MAF: variants seen among roughly 807,000 people sequenced by gnomAD.
MAF encodes the protein transcription factor Maf.
MAF carries 10 observed loss-of-function variants against 22.0 expected under a neutral mutation model. That is an observed-to-expected ratio of 0.45 (90% confidence interval 0.28 to 0.77). The LOEUF (loss-of-function observed/expected upper bound fraction) is 0.77. MAF is among the 30% of genes least tolerant of loss of function. The pLI is 0.12. For missense variants in MAF, 544 were observed against 548.4 expected (o/e 0.99, Z 0.08); for synonymous variants, 337 against 255.8 (o/e 1.32, Z -3.03).
chr16:79,383,601 T>A, the MAF span, among the ~76,000 whole-genome samples: 1 of 152,216 alleles, frequency 6.6e-6, no homozygotes, highest in African/African-American at 2.4e-5. Flanking sequence ...GCCTCAATTA[T>A]CAGCAGACTT....
chr16:79,233,163 A>T, the MAF span, among the ~76,000 whole-genome samples: 1 of 151,824 alleles, frequency 6.6e-6, no homozygotes, highest in Non-Finnish European at 1.5e-5. Flanking sequence ...CTTAATGACT[A>T]CCCGTGCAGG....
chr16:79,529,239 GC>G, the MAF span, among the ~76,000 whole-genome samples: 4 of 152,082 alleles, frequency 2.6e-5, no homozygotes, highest in Non-Finnish European at 5.9e-5. Context: ...CTTCCCATGC[GC>G]CAAAAACCAG....
the MAF span, among the ~76,000 whole-genome samples, chr16:79,229,855 G>C: frequency 6.6e-6 from 1 of 152,052 alleles, no homozygotes; most frequent in Admixed American, 6.6e-5. Context: ...AGAATGACCT[G>C]ATTTCTGCGG....
the MAF span, among the ~76,000 whole-genome samples, chr16:79,227,298 C>A: frequency 1.3e-5 from 2 of 152,038 alleles, no homozygotes; most frequent in Non-Finnish European, 2.9e-5. Context: ...CTGCAGTGAG[C>A]CTTGATTGTG....
chr16:79,493,506 G>A, the MAF span, among the ~76,000 whole-genome samples: 2 of 152,076 alleles, frequency 1.3e-5, no homozygotes, highest in East Asian at 1.9e-4. Context: ...GTAGAGACAG[G>A]TTTTACCATG....
chr16:79,328,588 C>G, the MAF span, among the ~76,000 whole-genome samples: 1 of 152,206 alleles, frequency 6.6e-6, no homozygotes, highest in Non-Finnish European at 1.5e-5. Context: ...TAAAATCCCT[C>G]GAGCCGAGCT....
chr16:79,227,010 T>C, the MAF span, among the ~76,000 whole-genome samples: 36 of 152,046 alleles, frequency 2.4e-4, no homozygotes, highest in African/African-American at 7.9e-4. Flanking sequence ...GAAACATATA[T>C]TTGAAAAAAA....
chr16:79,596,809 T>G, intron 1 of MAF: 1 of 1,049,276 alleles, frequency 9.5e-7, no homozygotes. Flanking sequence ...TAAAAAAATC[T>G]GCATCATCTT....
At chr16:79,264,421 T>C in the MAF span, 2 of 152,248 alleles carry the variant, frequency 1.3e-5, no homozygotes, top group Non-Finnish European at 2.9e-5. Flanking sequence ...GTTAAATAAC[T>C]TGCTCAAAGC....
the MAF span, among the ~76,000 whole-genome samples, chr16:79,501,436 C>T: frequency 6.6e-6 from 1 of 152,146 alleles, no homozygotes; most frequent in Non-Finnish European, 1.5e-5. Context: ...TGGGGGGACA[C>T]CAGTCAAGCC....
the MAF span, among the ~76,000 whole-genome samples, chr16:79,556,623 A>G: frequency 2.0e-5 from 3 of 152,350 alleles, no homozygotes; most frequent in East Asian, 5.8e-4. Flanking sequence ...TTGAGCAAGG[A>G]GAGTAGATCC....
the MAF span, among the ~76,000 whole-genome samples, chr16:79,415,759 C>A: frequency 6.6e-6 from 1 of 151,814 alleles, no homozygotes; most frequent in South Asian, 2.1e-4. Context: ...CCTGGGCCCT[C>A]CCCTTTCTAT....
the MAF span, among the ~76,000 whole-genome samples, chr16:79,337,237 CA>C: frequency 6.6e-6 from 1 of 152,126 alleles, no homozygotes; most frequent in African/African-American, 2.4e-5. Context: ...CTCAGACTAC[CA>C]TCTTCTTCAG....
chr16:79,324,180 CATG>C, the MAF span, among the ~76,000 whole-genome samples: 1 of 152,150 alleles, frequency 6.6e-6, no homozygotes, highest in Non-Finnish European at 1.5e-5. Flanking sequence ...AAAATGTGGG[CATG>C]AGTAGCGCCC....
chr16:79,535,540 T>C, the MAF span, among the ~76,000 whole-genome samples: 11 of 151,106 alleles, frequency 7.3e-5, no homozygotes, highest in African/African-American at 2.2e-4. Flanking sequence ...GTCTATAATA[T>C]GCATTATTCA....
chr16:79,488,701 T>A, the MAF span, among the ~76,000 whole-genome samples: 1 of 152,180 alleles, frequency 6.6e-6, no homozygotes, highest in East Asian at 1.9e-4. Context: ...ATCTCAGCCA[T>A]TTATAAGTTA....
the MAF span, among the ~76,000 whole-genome samples, chr16:79,247,066 A>G: frequency 5.9e-5 from 9 of 152,246 alleles, no homozygotes; most frequent in African/African-American, 2.2e-4. Context: ...GTGATAGAGT[A>G]TAATGGGCAA....
chr16:79,518,792 G>A, the MAF span, among the ~76,000 whole-genome samples: 182 of 152,294 alleles, frequency 1.2e-3, no homozygotes, highest in Admixed American at 1.9e-3. Context: ...AGGCTTGGTG[G>A]CGCATGCCCA....
chr16:79,523,171 T>G, the MAF span, among the ~76,000 whole-genome samples: 1 of 152,218 alleles, frequency 6.6e-6, no homozygotes, highest in Non-Finnish European at 1.5e-5. Flanking sequence ...TATGAGAACA[T>G]AAGAATTTCC....
Sources: allele counts gnomAD v4.1 joint callset (sites outside exome capture counted in the v4.1 genomes callset), GRCh38; gene constraint gnomAD v4.1.1; transcripts MANE v1.5; gene names NCBI Gene and HGNC (gene_info 2026-07-23, HGNC 2026-07-21).